The following CPA5 variants were observed in gnomAD, a reference collection of about 807,000 sequenced individuals.
CPA5 encodes the protein carboxypeptidase A5.
CPA5 carries 38 observed loss-of-function variants against 52.2 expected under a neutral mutation model. The ratio of observed to expected loss-of-function variants is 0.73; its 90% CI spans 0.56 to 0.95. The LOEUF (loss-of-function observed/expected upper bound fraction) is 0.95, where lower values mean the gene tolerates loss of function less well. CPA5 is among the 40% of genes least tolerant of loss of function. The pLI, the probability that CPA5 is intolerant of heterozygous loss-of-function variation, is 0.00. For synonymous variants in CPA5, 198 were observed against 213.7 expected (o/e 0.93, Z 0.64); for missense variants, 519 against 566.7 (o/e 0.92, Z 0.86).
In CPA5 at chr7:130,357,211, G is replaced by C. The variant is rs540470247; in HGVS notation, c.334-2378G>C. On this transcript the variant is annotated intron_variant, in intron 5 of 12. Transcript: ENST00000474905. ...GTCCCATTTTTAAATCTATGAACCT[G>C]AACGTTGTAAGCAAGCCAACTAGGC... 5.9e-5 allele frequency among the ~76,000 whole-genome samples: 9 copies of C among 152,272 alleles called. No individual in the cohort carries two copies. In the South Asian group the frequency reaches 1.9e-3, roughly 32 times the overall value.
intron 3 of CPA5, among the ~76,000 whole-genome samples, chr7:130,347,052 T>C (rs1470703628): frequency 6.6e-6 from 1 of 152,104 alleles, no homozygotes; most frequent in Non-Finnish European, 1.5e-5. Flanking sequence ...TGGATGTACT[T>C]TGAGCCTCTC....
chr7:130,373,549 G>C (rs554323338), downstream of CPA5, among the ~76,000 whole-genome samples: 9 of 152,362 alleles, frequency 5.9e-5, no homozygotes, highest in Non-Finnish European at 1.3e-4. Flanking sequence ...GGGAGGCCGT[G>C]GGGGCTGGGC....
At chr7:130,350,434 C>A (rs1795060274) in intron 5 of CPA5, among the ~76,000 whole-genome samples, 1 of 152,180 alleles carries the variant, frequency 6.6e-6, no homozygotes, top group African/African-American at 2.4e-5. Context: ...CTTCCCCAGG[C>A]ACCGTGGGAA....
chr7:130,345,644 A>G (rs1794689690), intron 1 of CPA5, 195 bp from the exon 2 acceptor site: 1 of 152,246 alleles, frequency 6.6e-6, no homozygotes, highest in African/African-American at 2.4e-5. Flanking sequence ...TGCTAGCACA[A>G]TGATGACCAC....
intron 10 of CPA5, among the ~76,000 whole-genome samples, chr7:130,365,950 G>T (rs555456037): frequency 6.6e-6 from 1 of 152,176 alleles, no homozygotes; most frequent in Non-Finnish European, 1.5e-5. Context: ...TAGCTCTGCC[G>T]GCACATCCCC....
At chr7:130,367,645 AG>A (rs1796172590) in intron 11 of CPA5, 74 bp downstream of exon 11, 1 of 1,409,266 alleles carries the variant, frequency 7.1e-7, no homozygotes, top group African/African-American at 1.4e-5. Flanking sequence ...ATACTCCCAG[AG>A]GGCTCAGGTT....
In CPA5 at chr7:130,359,703, C is replaced by T. The variant is rs782474930; in HGVS notation, c.432+16C>T. ...CCTGGAGGAGGTAGGTCTGGCCGGG[C>T]AAGCTCTGGGCTCTCTTGTGTCTTT... is the stretch of plus-strand genomic sequence containing the variant. On this transcript the variant is annotated intron_variant, in intron 6 of 12. Transcript: ENST00000474905. 1.9e-6 allele frequency: 3 copies of T among 1,552,390 alleles called. No individual in the cohort carries two copies. Among genetic ancestry groups the T allele is most frequent in the East Asian group, 4.7e-5 (2 of 42,872 alleles).
intron 6 of CPA5, among the ~76,000 whole-genome samples, chr7:130,359,892 G>A (rs553535878): frequency 3.9e-5 from 6 of 152,316 alleles, no homozygotes; most frequent in Non-Finnish European, 7.3e-5. Context: ...TTCAGATAGA[G>A]GGGACAGTAG....
chr7:130,365,810 C>T (rs1796049153), intron 10 of CPA5, among the ~76,000 whole-genome samples: 1 of 152,258 alleles, frequency 6.6e-6, no homozygotes, highest in East Asian at 1.9e-4. Flanking sequence ...TTCAACCTCC[C>T]CCCGCTCTGC....
In CPA5 at chr7:130,367,544, G is replaced by A; in HGVS notation, c.1011G>A (p.Leu337=). The part of the protein sequence containing the change: ...QMLMYPYGRL[L]EPVSNQRELY... Reference sequence around the variant, plus strand: ...TTATGTACCCTTACGGCCGATTGCTGGAGCCCGTTTCAAATCAGAGGGAGT... The same window carrying A: ...TTATGTACCCTTACGGCCGATTGCTAGAGCCCGTTTCAAATCAGAGGGAGT... Residue 337 remains leucine, a synonymous_variant, in exon 11 of 13, where the codon CTG becomes CTA. Transcript: ENST00000474905. 6.2e-7 allele frequency: 1 copy of A among 1,614,038 alleles called. No homozygotes were observed.
intron 10 of CPA5, 127 bp from the exon 11 acceptor site, chr7:130,367,245 G>T: frequency 2.6e-6 from 2 of 758,692 alleles, no homozygotes; most frequent in South Asian, 3.3e-5. Flanking sequence ...GGTCAAAGTA[G>T]TCACATGACC....
intron 5 of CPA5, among the ~76,000 whole-genome samples, chr7:130,355,166 C>T (rs1407100747): frequency 6.6e-6 from 1 of 152,142 alleles, no homozygotes; most frequent in African/African-American, 2.4e-5. Context: ...TTCTGCCCTC[C>T]AAGTCCTACA....
chr7:130,366,733 C>A (rs560942930), intron 10 of CPA5, among the ~76,000 whole-genome samples: 1 of 152,146 alleles, frequency 6.6e-6, no homozygotes, highest in Non-Finnish European at 1.5e-5. Flanking sequence ...CAGCTGACAC[C>A]GAGTCTGAGC....
chr7:130,356,413 A>G (rs569924808), intron 5 of CPA5, among the ~76,000 whole-genome samples: 6 of 152,278 alleles, frequency 3.9e-5, no homozygotes, highest in South Asian at 2.1e-4. Context: ...TTTTTTCCTG[A>G]GAAGCCTGAC....
chr7:130,362,583 G>A (rs1554407076), intron 8 of CPA5, 44 bp downstream of exon 8: 1 of 1,374,344 alleles, frequency 7.3e-7, no homozygotes, highest in Non-Finnish European at 1.0e-6. Flanking sequence ...GATGGGGGCT[G>A]CAACTGGGGG....
rs781784996 is a variant in CPA5 at position 130,346,574 on chromosome 7, C to A, written c.89C>A (p.Ala30Glu). The change falls in exon 3 of 13, where the codon GCA becomes GAA. Residue 30 changes from alanine to glutamate, a missense_variant. Physicochemically the swap from Ala to Glu is moderately radical, Grantham distance 107. Transcript: ENST00000474905. The part of the protein sequence containing the change: ...TLLVFSFILA[A>E]ALGQMNFTGD... ...CTGGTCTTCAGCTTTATCCTGGCAGCAGCTTTGGGCCAAATGAATTTCACA... is the reference window on the plus strand; with the variant it reads ...CTGGTCTTCAGCTTTATCCTGGCAGAAGCTTTGGGCCAAATGAATTTCACA... The A allele has an allele frequency of 1.9e-5, 30 of 1,613,974 alleles. No homozygotes were observed. Among genetic ancestry groups the A allele is most frequent in the Non-Finnish European group, 2.5e-5 (30 of 1,179,888 alleles).
chr7:130,358,042 G>A (rs141391814), intron 5 of CPA5, among the ~76,000 whole-genome samples: 325 of 150,504 alleles, frequency 2.2e-3, no homozygotes, highest in Non-Finnish European at 3.5e-3. Context: ...ACAGTGGTAC[G>A]ATCATAACTC....
At chr7:130,364,854 A>G (rs888770680) in intron 10 of CPA5, among the ~76,000 whole-genome samples, 1 of 152,176 alleles carries the variant, frequency 6.6e-6, no homozygotes, top group African/African-American at 2.4e-5. Flanking sequence ...AAGCTCAGAG[A>G]CAGGTCCATG....
At chr7:130,350,640 T>TC (rs1174487541) in intron 5 of CPA5, among the ~76,000 whole-genome samples, 21 of 152,086 alleles carry the variant, frequency 1.4e-4, no homozygotes, top group Middle Eastern at 3.4e-3. Context: ...GCACGGGGCA[T>TC]CCCCCCAGGC....
Sources: gnomAD v4.1 joint callset for allele counts (sites outside exome capture counted in the v4.1 genomes callset) on GRCh38, gnomAD v4.1.1 for gene constraint, MANE v1.5 for transcripts, NCBI Gene and HGNC (gene_info 2026-07-23, HGNC 2026-07-21) for gene names.